The following NUP93 variants were observed in gnomAD, a reference collection of about 807,000 sequenced individuals.
NUP93 encodes nucleoporin 93, also known as nuclear pore complex protein Nup93.
A neutral mutation model predicts 107.8 loss-of-function variants in NUP93; 55 were observed. The ratio of observed to expected loss-of-function variants is 0.51; its 90% CI spans 0.41 to 0.64. NUP93 has a LOEUF of 0.64. Ranked by LOEUF, NUP93 falls within the 30% of genes least tolerant of loss-of-function variation. The pLI is 0.00. For synonymous variants in NUP93, 390 were observed against 397.5 expected (o/e 0.98, Z 0.22); for missense variants, 937 against 1,044.7 (o/e 0.90, Z 1.42).
intron 3 of NUP93, among the ~76,000 whole-genome samples, chr16:56,788,750 C>T (rs560048087): frequency 8.5e-5 from 13 of 152,312 alleles, no homozygotes; most frequent in African/African-American, 2.6e-4. Flanking sequence ...GCAACAGATG[C>T]GCTAAGCAGC....
intron 1 of NUP93, 190 bp from the exon 2 acceptor site, chr16:56,748,044 G>T: frequency 2.2e-6 from 1 of 446,342 alleles, no homozygotes; most frequent in Non-Finnish European, 4.1e-6. Flanking sequence ...TTTTTTCACA[G>T]CCTGACTCAT....
At chr16:56,737,089 A>G (rs1961626478) in intron 1 of NUP93, among the ~76,000 whole-genome samples, 1 of 152,240 alleles carries the variant, frequency 6.6e-6, no homozygotes, top group Admixed American at 6.5e-5. Flanking sequence ...ATTGAAATAT[A>G]AAGCATTTCT....
chr16:56,758,629 G>C lies in NUP93; in HGVS notation c.271G>C (p.Glu91Gln). Residue 91 changes from glutamate to glutamine, a missense_variant, in exon 3 of 22, where the codon GAG (glutamate) becomes CAG (glutamine). Coordinates refer to ENST00000308159, the MANE Select transcript of NUP93 (RefSeq NM_014669.5). Reference protein sequence around the residue: ...LSAATTFEPLEPVKDTDIQGF... With the variant: ...LSAATTFEPLQPVKDTDIQGF... ...TGCAGCCACCACCTTTGAGCCTCTT[G>C]AGCCTGTGAAGGACACTGACATTCA... is the stretch of plus-strand genomic sequence containing the variant. The C allele has an allele frequency of 6.2e-7, 1 of 1,613,752 alleles. No homozygotes were observed. The highest frequency in any genetic ancestry group is 8.5e-7 in the Non-Finnish European group (1 of 1,179,782).
chr16:56,756,593 G>T (rs1224115805), intron 2 of NUP93, among the ~76,000 whole-genome samples: 1 of 152,074 alleles, frequency 6.6e-6, no homozygotes, highest in Non-Finnish European at 1.5e-5. Context: ...AAATAGTGCT[G>T]CAGTAAACAT....
At chr16:56,805,730 T>TG in intron 5 of NUP93, 98 bp downstream of exon 5, 7 of 1,331,848 alleles carry the variant, frequency 5.3e-6, no homozygotes, top group Non-Finnish European at 7.3e-6. Context: ...TGGATCACTG[T>TG]CTTCCCCTTG....
At chr16:56,764,742 A>T (rs1270005500) in intron 3 of NUP93, among the ~76,000 whole-genome samples, 2 of 152,252 alleles carry the variant, frequency 1.3e-5, no homozygotes, top group African/African-American at 2.4e-5. Flanking sequence ...AATGATTAAT[A>T]TGCGAATAGC....
chr16:56,736,623 G>T (rs1369276828), intron 1 of NUP93, among the ~76,000 whole-genome samples: 4 of 152,178 alleles, frequency 2.6e-5, no homozygotes, highest in Non-Finnish European at 5.9e-5. Context: ...GGGCAGAGGC[G>T]GAGGAGGAGT....
At chr16:56,761,677 A>G (rs557734556) in intron 3 of NUP93, among the ~76,000 whole-genome samples, 3 of 152,210 alleles carry the variant, frequency 2.0e-5, no homozygotes, top group Non-Finnish European at 4.4e-5. Flanking sequence ...ATGCTGATGC[A>G]TTCTTTGACA....
At chr16:56,739,650 G>A (rs1235585756) in intron 1 of NUP93, among the ~76,000 whole-genome samples, 2 of 116,924 alleles carry the variant, frequency 1.7e-5, no homozygotes, top group Non-Finnish European at 3.7e-5. Context: ...CCTCCCGGAC[G>A]GGGCGGCTGG....
chr16:56,747,317 C>A (rs1490993380), intron 1 of NUP93, among the ~76,000 whole-genome samples: 1 of 152,178 alleles, frequency 6.6e-6, no homozygotes, highest in Admixed American at 6.5e-5. Context: ...CATGGTGCTA[C>A]TTTTTATTTT....
In NUP93 at chr16:56,831,883, G is replaced by C; in HGVS notation, c.1127G>C (p.Arg376Pro). The C allele has an allele frequency of 6.2e-7, 1 of 1,613,986 alleles. No homozygotes were observed. The highest frequency in any genetic ancestry group is 8.5e-7 in the Non-Finnish European group (1 of 1,179,984). The change falls in exon 11 of 22, where the codon CGT becomes CCT. Residue 376 changes from arginine (R) to proline (P), a missense_variant. Coordinates refer to ENST00000308159, the MANE Select transcript of NUP93 (RefSeq NM_014669.5). ...ATENKLRLHY[R>P]RALRNNTDPY... ...GAAAACAAGCTCCGGCTGCATTACC[G>C]TAGGGCCCTCAGGAACAATACAGAT... is the stretch of plus-strand genomic sequence containing the variant.
chr16:56,784,853 A>G (rs1378924977), intron 3 of NUP93, among the ~76,000 whole-genome samples: 5 of 152,140 alleles, frequency 3.3e-5, no homozygotes, highest in African/African-American at 9.7e-5. Context: ...CTACTCACTG[A>G]GTGCTGTCTT....
chr16:56,816,712 G>A (rs1317211938), intron 5 of NUP93, among the ~76,000 whole-genome samples: 1 of 152,226 alleles, frequency 6.6e-6, no homozygotes, highest in East Asian at 1.9e-4. Flanking sequence ...AGTAGAGTCT[G>A]GAAAAGGGTA....
intron 5 of NUP93, among the ~76,000 whole-genome samples, chr16:56,815,955 A>G (rs1963422961): frequency 6.7e-6 from 1 of 149,586 alleles, no homozygotes; most frequent in Admixed American, 7.0e-5. Flanking sequence ...TACTACCACT[A>G]CTACTACTCT....
At chr16:56,790,390 A>G (rs1391496478) in intron 3 of NUP93, among the ~76,000 whole-genome samples, 1 of 152,224 alleles carries the variant, frequency 6.6e-6, no homozygotes, top group Non-Finnish European at 1.5e-5. Context: ...CTTTATCAGT[A>G]ATGAACATCT....
At chr16:56,824,404 C>T (rs1380430622) in intron 8 of NUP93, among the ~76,000 whole-genome samples, 2 of 152,180 alleles carry the variant, frequency 1.3e-5, no homozygotes, top group African/African-American at 2.4e-5. Context: ...TGTGGCAGTG[C>T]CTTTGTGCCC....
At position 56,732,544 on chromosome 16, in the gene NUP93, T is replaced by C. The variant is rs558002074; in HGVS notation, c.-15+2333T>C. On this transcript the variant is annotated intron_variant, in intron 1 of 21. Transcript: ENST00000308159. ...CAGGTCATGGGACTATCTGAGAGCA[T>C]TGCTGGTAGTGGGTAGAGCAGGTGC... Among the ~76,000 whole-genome samples the C allele has an allele frequency of 5.9e-5, 9 of 152,332 alleles. No individual in the cohort carries two copies. In the East Asian group the frequency reaches 9.6e-4, roughly 16 times the overall value.
At chr16:56,834,542 A>G (rs1963871732) in intron 15 of NUP93, 100 bp downstream of exon 15, 1 of 1,302,688 alleles carries the variant, frequency 7.7e-7, no homozygotes, top group Admixed American at 2.0e-5. Flanking sequence ...TGTGGTGGAT[A>G]AGGCCTAGGG....
intron 3 of NUP93, 54 bp from the exon 4 acceptor site, chr16:56,798,421 CT>C: frequency 6.7e-7 from 1 of 1,482,522 alleles, no homozygotes; most frequent in Non-Finnish European, 9.4e-7. Flanking sequence ...CTGCAGTATA[CT>C]TTTGATTTTT....
Sources: gnomAD v4.1 joint callset for allele counts (sites outside exome capture counted in the v4.1 genomes callset) on GRCh38, gnomAD v4.1.1 for gene constraint, MANE v1.5 for transcripts, NCBI Gene and HGNC (gene_info 2026-07-23, HGNC 2026-07-21) for gene names.